The following TM7SF3 variants were observed in gnomAD, a reference collection of about 807,000 sequenced individuals.
The protein encoded by TM7SF3 is seven span transmembrane protein.
TM7SF3 carries 60 observed loss-of-function variants against 65.5 expected under a neutral mutation model. The observed-to-expected ratio is 0.92, with a 90% CI of 0.74 to 1.14. TM7SF3 has a LOEUF of 1.14. TM7SF3 is among the 50% of genes most tolerant of loss of function. The pLI is 0.00. For synonymous variants in TM7SF3, 264 were observed against 259.6 expected (o/e 1.02, Z -0.16); for missense variants, 623 against 684.8 (o/e 0.91, Z 1.01).
At chr12:26,978,352 T>C (rs551985172) in intron 9 of TM7SF3, 71 of 154,894 alleles carry the variant, frequency 4.6e-4, no homozygotes, top group South Asian at 4.2e-3. Context: ...GTTTCACAGA[T>C]GATGGAACAA....
At chr12:26,989,171 T>C (rs1204686322) in intron 6 of TM7SF3, among the ~76,000 whole-genome samples, 2 of 152,124 alleles carry the variant, frequency 1.3e-5, no homozygotes, top group Non-Finnish European at 2.9e-5. Context: ...TATGGTGGCT[T>C]ATGCCTGTAA....
chr12:26,987,499 G>T (rs1940151705), intron 6 of TM7SF3, among the ~76,000 whole-genome samples: 1 of 152,110 alleles, frequency 6.6e-6, no homozygotes, highest in Non-Finnish European at 1.5e-5. Context: ...GGAACAATTT[G>T]AACATGAAAA....
Position 26,973,264 on chromosome 12 carries a change from C to A in TM7SF3, c.*701G>T, listed in dbSNP as rs1255371715. The A allele has an allele frequency of 6.6e-6, 1 of 151,788 alleles. No individual in the cohort carries two copies. The highest frequency in any genetic ancestry group is 1.5e-5 in the Non-Finnish European group (1 of 67,986). 9.4% of individuals were successfully genotyped at this position (151,788 alleles called of 1,614,324 possible). ...AATCAAGGCTCACTGTAGCCTCAAT[C>A]TTCAGGGCTCCAGGGATCCTCCCAT... On this transcript the variant is annotated 3_prime_UTR_variant, in exon 12 of 12. Coordinates refer to ENST00000343028, the MANE Select transcript of TM7SF3 (RefSeq NM_016551.3).
At chr12:27,011,966 G>C (rs1941260351) in intron 1 of TM7SF3, among the ~76,000 whole-genome samples, 1 of 152,170 alleles carries the variant, frequency 6.6e-6, no homozygotes, top group Non-Finnish European at 1.5e-5. Context: ...CTGGACGCCT[G>C]CTCTCCTGAC....
rs778061460 is a variant in TM7SF3 at position 26,980,632 on chromosome 12, C to A, written c.970G>T (p.Gly324Cys). 4 of 1,569,502 alleles carry A rather than the reference C, an allele frequency of 2.5e-6. No individual in the cohort carries two copies. The Admixed American group carries it at 7.1e-5, about 28-fold the overall frequency. ...RFWKTELFFI[G>C]FIIMGFFFYI... ...AAGAAGAATCCCATGATGATAAAGCCTATGAAGAATAATTCTAAGTGGCAA... is the reference window on the plus strand; with the variant it reads ...AAGAAGAATCCCATGATGATAAAGCATATGAAGAATAATTCTAAGTGGCAA... The change falls in exon 8 of 12, where the codon GGC becomes TGC. Residue 324 changes from glycine to cysteine, a missense_variant. By Grantham distance (159) the Gly-to-Cys change is radical. Coordinates refer to ENST00000343028, the MANE Select transcript of TM7SF3 (RefSeq NM_016551.3).
chr12:27,006,372 C>T lies in TM7SF3; in HGVS notation c.92-2982G>A, dbSNP rs141207845. Reference sequence around the variant, plus strand: ...CAGGCTGGTCTCAATCTCTTGACCTCGTGATCCGCCCACCTGGGCCTCCCA... The same window carrying T: ...CAGGCTGGTCTCAATCTCTTGACCTTGTGATCCGCCCACCTGGGCCTCCCA... On this transcript the variant is annotated intron_variant, in intron 1 of 11. Transcript: ENST00000343028. 7.0e-3 allele frequency among the ~76,000 whole-genome samples: 1,054 copies of T among 150,856 alleles called. 37 individuals are homozygous for T. The highest frequency in any genetic ancestry group is 0.053 in the Admixed American group (810 of 15,168).
intron 9 of TM7SF3, chr12:26,978,146 C>A: frequency 2.5e-6 from 1 of 404,164 alleles, no homozygotes; most frequent in Non-Finnish European, 4.9e-6. Context: ...GAGATGATCA[C>A]TCTAACGGTC....
At chr12:27,006,579 T>C (rs942094824) in intron 1 of TM7SF3, among the ~76,000 whole-genome samples, 2 of 152,170 alleles carry the variant, frequency 1.3e-5, no homozygotes, top group Non-Finnish European at 1.5e-5. Flanking sequence ...ATAATCCTTA[T>C]AAAAGGTGCT....
At chr12:27,003,712 T>C (rs994299447) in intron 1 of TM7SF3, among the ~76,000 whole-genome samples, 3 of 152,204 alleles carry the variant, frequency 2.0e-5, no homozygotes, top group African/African-American at 7.2e-5. Context: ...ACAGAGTCCC[T>C]GAATTTAAAG....
chr12:26,981,992 C>T (rs1348053809), intron 7 of TM7SF3, among the ~76,000 whole-genome samples: 2 of 152,224 alleles, frequency 1.3e-5, no homozygotes, highest in Middle Eastern at 3.4e-3. Flanking sequence ...AAGTCAATCG[C>T]CATCACCAAT....
chr12:26,975,286 A>G (rs1035828118), intron 11 of TM7SF3, among the ~76,000 whole-genome samples: 1 of 152,178 alleles, frequency 6.6e-6, no homozygotes, highest in Non-Finnish European at 1.5e-5. Context: ...CATTTAGTAG[A>G]TTTTTATCTT....
At chr12:26,997,315 C>T (rs1940638222) in intron 3 of TM7SF3, among the ~76,000 whole-genome samples, 1 of 152,178 alleles carries the variant, frequency 6.6e-6, no homozygotes, top group Non-Finnish European at 1.5e-5. Flanking sequence ...TGGTTGACTA[C>T]TTCTGGCCAG....
At chr12:26,983,402 T>G (rs776984601) in intron 6 of TM7SF3, 2 of 352,468 alleles carry the variant, frequency 5.7e-6, no homozygotes, top group Non-Finnish European at 1.1e-5. Flanking sequence ...TTGATGCTAT[T>G]AAAGAAATAT....
chr12:27,008,116 T>C (rs547118412), intron 1 of TM7SF3, among the ~76,000 whole-genome samples: 2 of 152,294 alleles, frequency 1.3e-5, no homozygotes, highest in Admixed American at 1.3e-4. Context: ...TCATCTTCAG[T>C]AGATACTGCC....
At chr12:26,983,882 A>T (rs187987569) in intron 6 of TM7SF3, among the ~76,000 whole-genome samples, 2 of 152,306 alleles carry the variant, frequency 1.3e-5, no homozygotes, top group East Asian at 3.9e-4. Context: ...CACTAAATTC[A>T]TCACCCACCA....
chr12:26,985,998 GTTT>G (rs55959497), intron 6 of TM7SF3, among the ~76,000 whole-genome samples: 2,417 of 142,656 alleles, frequency 0.017, 31 homozygotes, highest in Middle Eastern at 0.045. Context: ...GTTTTGTATT[GTTT>G]TTTTTTTTAG....
chr12:26,999,263 G>T (rs1470638165), intron 3 of TM7SF3, among the ~76,000 whole-genome samples: 2 of 152,088 alleles, frequency 1.3e-5, no homozygotes, highest in African/African-American at 4.8e-5. Context: ...GGGCCTGGTG[G>T]CGGGCGCCTG....
At chr12:26,989,755 T>A (rs1940264395) in intron 6 of TM7SF3, among the ~76,000 whole-genome samples, 3 of 152,186 alleles carry the variant, frequency 2.0e-5, no homozygotes, top group Non-Finnish European at 2.9e-5. Context: ...ATTACTTCAG[T>A]GGCCTCCTAA....
chr12:27,012,994 T>C (rs1030362009), intron 1 of TM7SF3: 89 of 39,810 alleles, frequency 2.2e-3, no homozygotes, highest in Non-Finnish European at 4.0e-3. Context: ...CGAGACTCCG[T>C]CAAAAAAAAA....
Sources: gnomAD v4.1 joint callset for allele counts (sites outside exome capture counted in the v4.1 genomes callset) on GRCh38, gnomAD v4.1.1 for gene constraint, MANE v1.5 for transcripts, NCBI Gene and HGNC (gene_info 2026-07-23, HGNC 2026-07-21) for gene names.